Variants in DDAH1 observed in about 807,000 individuals in gnomAD.
DDAH1 encodes N(G),N(G)-dimethylarginine dimethylaminohydrolase 1.
DDAH1 carries 19 observed loss-of-function variants against 28.8 expected under a neutral mutation model. The observed-to-expected ratio is 0.66, with a 90% CI of 0.46 to 0.97. The LOEUF is 0.97. Ranked by LOEUF, DDAH1 falls within the 50% of genes least tolerant of loss-of-function variation. The pLI, the probability that DDAH1 is intolerant of heterozygous loss-of-function variation, is 0.00. For missense variants in DDAH1, 326 were observed against 375.9 expected (o/e 0.87, Z 1.10); for synonymous variants, 153 against 154.4 (o/e 0.99, Z 0.07).
intron 2 of DDAH1, among the ~76,000 whole-genome samples, chr1:85,487,509 A>G (rs1656243145): frequency 6.6e-6 from 1 of 152,154 alleles, no homozygotes; most frequent in Non-Finnish European, 1.5e-5. Context: ...TTTCAACATA[A>G]TCAGTATTTT....
chr1:85,497,566 C>T (rs1656645176), intron 1 of DDAH1, among the ~76,000 whole-genome samples: 1 of 152,036 alleles, frequency 6.6e-6, no homozygotes, highest in African/African-American at 2.4e-5. Context: ...TCTGATCTTG[C>T]AAAATACAAT....
chr1:85,493,360 T>C (rs1169199874), intron 2 of DDAH1: 2 of 152,040 alleles, frequency 1.3e-5, no homozygotes, highest in Admixed American at 1.3e-4. Context: ...TATTTTGGAG[T>C]GACTTTCAGC....
chr1:85,526,573 G>C (rs546702564), intron 1 of DDAH1, among the ~76,000 whole-genome samples: 30 of 151,798 alleles, frequency 2.0e-4, no homozygotes, highest in African/African-American at 6.5e-4. Context: ...CTAGGGTTTT[G>C]TGATTCTGAG....
chr1:85,380,043 C>T (rs1317025964), intron 1 of DDAH1, among the ~76,000 whole-genome samples: 1 of 152,178 alleles, frequency 6.6e-6, no homozygotes, highest in Non-Finnish European at 1.5e-5. Flanking sequence ...AAAACCCAAG[C>T]TTACCTAACA....
At chr1:85,410,572 G>A (rs1245435001) in intron 1 of DDAH1, among the ~76,000 whole-genome samples, 1 of 150,816 alleles carries the variant, frequency 6.6e-6, no homozygotes, top group Non-Finnish European at 1.5e-5. Flanking sequence ...CTGGGAGGTG[G>A]AGGTTGTGGT....
chr1:85,392,244 T>C (rs951137664), intron 1 of DDAH1, among the ~76,000 whole-genome samples: 3 of 152,198 alleles, frequency 2.0e-5, no homozygotes, highest in Admixed American at 6.5e-5. Context: ...GGCTTATAGA[T>C]AGCTGTCTTC....
intron 1 of DDAH1, among the ~76,000 whole-genome samples, chr1:85,538,455 T>C (rs1658360390): frequency 2.0e-5 from 3 of 152,202 alleles, no homozygotes; most frequent in Admixed American, 6.5e-5. Flanking sequence ...ATTATTAGTG[T>C]TGGATTGCCC....
intron 1 of DDAH1, among the ~76,000 whole-genome samples, chr1:85,360,574 T>C (rs544842079): frequency 6.0e-4 from 92 of 152,326 alleles, no homozygotes; most frequent in African/African-American, 2.1e-3. Flanking sequence ...ATACAGTTAC[T>C]TTTTGTTTCT....
intron 1 of DDAH1, among the ~76,000 whole-genome samples, chr1:85,548,915 A>G (rs1044694736): frequency 6.6e-6 from 1 of 152,216 alleles, no homozygotes; most frequent in South Asian, 2.1e-4. Context: ...AGACTTAGCA[A>G]GAAAACCTTT....
chr1:85,343,125 A>G (rs1424821238), intron 4 of DDAH1, among the ~76,000 whole-genome samples: 1 of 152,166 alleles, frequency 6.6e-6, no homozygotes, highest in Non-Finnish European at 1.5e-5. Context: ...TATATACTGG[A>G]CAGGATGAAC....
intron 5 of DDAH1, among the ~76,000 whole-genome samples, chr1:85,324,299 T>A (rs930083735): frequency 7.0e-5 from 10 of 143,298 alleles, no homozygotes; most frequent in South Asian, 2.2e-4. Context: ...ATAATAATAA[T>A]AAATAAAAAA....
rs189285424 is a variant in DDAH1 at position 85,319,100 on chromosome 1, T to C, written c.*2352A>G. 2.0e-5 allele frequency: 3 copies of C among 152,336 alleles called. No individual in the cohort carries two copies. The highest frequency in any genetic ancestry group is 6.5e-5 in the Admixed American group (1 of 15,300). The allele number at this position is 152,336 out of a possible 1,614,324, so 9.4% of individuals were successfully genotyped here. On this transcript the variant is annotated 3_prime_UTR_variant, in exon 6 of 6. Transcript: ENST00000284031. The stretch of plus-strand genomic sequence containing the variant: ...AGGAAAACTTATGTGATAGTATCTT[T>C]CCTTTTCAAAAATAACATTATGCTA...
intron 1 of DDAH1, among the ~76,000 whole-genome samples, chr1:85,435,461 A>G (rs1294808522): frequency 6.6e-6 from 1 of 152,258 alleles, no homozygotes; most frequent in Non-Finnish European, 1.5e-5. Context: ...ATGAAAATAA[A>G]TGGGTGAGCA....
chr1:85,543,863 A>G (rs766699859), intron 1 of DDAH1, among the ~76,000 whole-genome samples: 70 of 152,190 alleles, frequency 4.6e-4, no homozygotes, highest in Non-Finnish European at 9.0e-4. Flanking sequence ...CTTTTGCTTC[A>G]ATTGGATGAT....
rs550363766 is a variant in DDAH1, at chr1:85,453,704, C to T, written c.303+11039G>A. Among the ~76,000 whole-genome samples, 3 of 152,272 alleles carry T rather than the reference C, an allele frequency of 2.0e-5. No homozygotes were observed. The East Asian group carries it at 5.8e-4, about 29-fold the overall frequency. On this transcript the variant is annotated intron_variant, in intron 1 of 5. Transcript: ENST00000284031. ...GTCCAGATGTCTCATACTTAATAGG[C>T]ACCATTACCAACAAATATTGCTGAA...
chr1:85,414,644 G>A (rs181018958), intron 1 of DDAH1, among the ~76,000 whole-genome samples: 1 of 152,282 alleles, frequency 6.6e-6, no homozygotes, highest in Admixed American at 6.5e-5. Flanking sequence ...TCTAAGAAAT[G>A]GAGGAGAGAG....
At chr1:85,511,228 A>C (rs1461012971) in intron 1 of DDAH1, among the ~76,000 whole-genome samples, 1 of 152,206 alleles carries the variant, frequency 6.6e-6, no homozygotes, top group Admixed American at 6.5e-5. Flanking sequence ...CTGGAAACTG[A>C]ACAACTTGCT....
At chr1:85,428,747 T>C (rs1053431801) in intron 1 of DDAH1, among the ~76,000 whole-genome samples, 2 of 152,108 alleles carry the variant, frequency 1.3e-5, no homozygotes, top group Admixed American at 6.5e-5. Context: ...TCCTGCTTGC[T>C]TGGAAGACAA....
At chr1:85,371,326 T>C (rs1334141359) in intron 1 of DDAH1, among the ~76,000 whole-genome samples, 1 of 152,186 alleles carries the variant, frequency 6.6e-6, no homozygotes, top group Non-Finnish European at 1.5e-5. Context: ...TTGTAGATGC[T>C]ATAAAACATA....
Sources: gnomAD v4.1 joint callset for allele counts (sites outside exome capture counted in the v4.1 genomes callset) on GRCh38, gnomAD v4.1.1 for gene constraint, MANE v1.5 for transcripts, NCBI Gene and HGNC (gene_info 2026-07-23, HGNC 2026-07-21) for gene names.